Variants in NOL4L observed in about 807,000 individuals in gnomAD.
NOL4L encodes the protein nucleolar protein 4-like.
In NOL4L, 7 loss-of-function variants were observed where a neutral mutation model predicts 64.5. The ratio of observed to expected loss-of-function variants is 0.11; its 90% CI spans 0.06 to 0.20. The LOEUF is 0.20. Among genes scored for constraint, NOL4L ranks in the 10% least tolerant of loss-of-function variants. The probability of loss-of-function intolerance (pLI) is 1.00; values close to 1 mark genes in which losing one functional copy is unlikely to be tolerated. For missense variants in NOL4L, 680 were observed against 967.1 expected, an observed-to-expected ratio of 0.70 and a Z score of 3.94; for synonymous variants, 413 against 401.0, an observed-to-expected ratio of 1.03 and a Z score of -0.36.
chr20:32,447,429 A>AAAAATT lies in NOL4L; in HGVS notation c.*166_*167insAATTTT. On this transcript the variant is annotated 3_prime_UTR_variant, in exon 11 of 11. Transcript: ENST00000621426. ...AAAAAAAAAAAAAAAAAAAAAAAAAAGTGTCCTTGTGCCCAAAGTCTCAGG... is the reference window on the plus strand; with the variant it reads ...AAAAAAAAAAAAAAAAAAAAAAAAAAAAAATTGTGTCCTTGTGCCCAAAGTCTCAGG... 3 of 757,708 alleles carry AAAAATT rather than the reference A, an allele frequency of 4.0e-6. No homozygotes were observed. Among genetic ancestry groups the AAAAATT allele is most frequent in the Non-Finnish European group, 6.1e-6 (3 of 494,140 alleles). The allele number at this position is 757,708 out of a possible 1,614,324, so 46.9% of individuals were successfully genotyped here.
chr20:32,453,621 C>T lies in NOL4L; in HGVS notation c.1260G>A (p.Met420Ile). Reference sequence around the variant, plus strand: ...CAGGGTCCATGCCTTCAGAGTCGTTCATCTTGTCATTGTCCTCATGGTCAT... The same window carrying T: ...CAGGGTCCATGCCTTCAGAGTCGTTTATCTTGTCATTGTCCTCATGGTCAT... ...DHDDHEDNDK[M>I]NDSEGMDPER... Residue 420 changes from methionine to isoleucine, a missense_variant, in exon 7 of 11, where the codon ATG (methionine) becomes ATA (isoleucine). Physicochemically the swap from Met to Ile is conservative, Grantham distance 10. Around this residue, in one of 4 missense-constraint regions of NOL4L, gnomAD observed 70 missense variants for 166.1 expected, o/e 0.42. Transcript: ENST00000621426. This position sits in a 1 kb window ranked among gnomAD's most constrained non-coding sequence, Gnocchi z 5.6. 6.4e-7 allele frequency: 1 copy of T among 1,573,588 alleles called. No individual in the cohort carries two copies. The highest frequency in any genetic ancestry group is 8.6e-7 in the Non-Finnish European group (1 of 1,156,992).
chr20:32,456,502 G>C, intron 5 of NOL4L, 107 bp from the exon 6 acceptor site: 1 of 1,177,484 alleles, frequency 8.5e-7, no homozygotes, highest in Non-Finnish European at 1.1e-6. Flanking sequence ...CCCTGGGTTG[G>C]GGTGAGTGCT....
rs144511170 is a variant in NOL4L at position 32,446,667 on chromosome 20, G to C, written c.*929C>G. The C allele has an allele frequency of 5.6e-3, 858 of 153,942 alleles. 5 individuals are homozygous for C. Among genetic ancestry groups the C allele is most frequent in the Non-Finnish European group, 7.1e-3 (492 of 69,158 alleles). The allele number at this position is 153,942 out of a possible 1,614,324, so 9.5% of individuals were successfully genotyped here. On this transcript the variant is annotated 3_prime_UTR_variant, in exon 11 of 11. Coordinates refer to ENST00000621426, the MANE Select transcript of NOL4L (RefSeq NM_001256798.2). ...CTGGTTAGGGACAGGACGCTCTCTG[G>C]GTTCCAGCTCCTGGACACCCAGTCT...
chr20:32,453,884 T>A lies in NOL4L; in HGVS notation c.1120-123A>T. ...GCATGCCCTGCTGCCACGAGAGCCATAGCTGCGAGGCCCTGAGCAAGTCAC... is the reference window on the plus strand; with the variant it reads ...GCATGCCCTGCTGCCACGAGAGCCAAAGCTGCGAGGCCCTGAGCAAGTCAC... On this transcript the variant is annotated intron_variant, in intron 6 of 10. Transcript: ENST00000621426. This position sits in a 1 kb window ranked among gnomAD's most constrained non-coding sequence, Gnocchi z 5.6. 1 of 853,736 alleles carries A rather than the reference T, an allele frequency of 1.2e-6. No individual in the cohort carries two copies. The highest frequency in any genetic ancestry group is 1.8e-6 in the Non-Finnish European group (1 of 549,738). 52.9% of individuals were successfully genotyped at this position (853,736 alleles called of 1,614,324 possible). A position where few individuals can be genotyped will look rare whatever the true frequency, so the allele number is the denominator to read the frequency against.
At chr20:32,509,830 G>GGGCT (rs1191529331) in intron 4 of NOL4L, 14 of 1,303,926 alleles carry the variant, frequency 1.1e-5, no homozygotes, top group Non-Finnish European at 1.4e-5. Flanking sequence ...CAAAACCAGG[G>GGGCT]GGCTGTGCTT....
intron 4 of NOL4L, among the ~76,000 whole-genome samples, chr20:32,476,324 AAG>A (rs1293988963): frequency 6.6e-6 from 1 of 151,734 alleles, no homozygotes; most frequent in African/African-American, 2.4e-5. Flanking sequence ...GGGGAGGGGG[AAG>A]AGAGGCTGGC....
chr20:32,489,990 G>A (rs1276987950), intron 4 of NOL4L, among the ~76,000 whole-genome samples: 3 of 151,278 alleles, frequency 2.0e-5, no homozygotes, highest in Non-Finnish European at 4.4e-5. Flanking sequence ...TTAGCTGGGC[G>A]TGGTGGTGCG....
At chr20:32,509,410 C>T (rs567846555) in intron 4 of NOL4L, among the ~76,000 whole-genome samples, 6 of 145,776 alleles carry the variant, frequency 4.1e-5, no homozygotes, top group East Asian at 2.1e-4. Flanking sequence ...CCCAGCTACT[C>T]GGGAGGCTGA....
intron 1 of NOL4L, among the ~76,000 whole-genome samples, chr20:32,554,070 C>T (rs1411646960): frequency 6.6e-6 from 1 of 152,130 alleles, no homozygotes; most frequent in Non-Finnish European, 1.5e-5. Context: ...CCTGTAATCC[C>T]AGCACTTTGG....
intron 4 of NOL4L, among the ~76,000 whole-genome samples, chr20:32,484,324 C>T (rs1054641336): frequency 6.6e-6 from 1 of 152,054 alleles, no homozygotes; most frequent in African/African-American, 2.4e-5. Flanking sequence ...CGCCCCACCC[C>T]CACGGCAGGG....
chr20:32,531,761 C>T (rs544102630), intron 1 of NOL4L, among the ~76,000 whole-genome samples: 1 of 152,316 alleles, frequency 6.6e-6, no homozygotes, highest in Non-Finnish European at 1.5e-5. Context: ...CCAGCACATA[C>T]AGACTTGGTT....
At chr20:32,508,252 C>T (rs1568667950) in intron 4 of NOL4L, among the ~76,000 whole-genome samples, 1 of 152,192 alleles carries the variant, frequency 6.6e-6, no homozygotes, top group Non-Finnish European at 1.5e-5. Context: ...GGGAGTCATT[C>T]GCCCACCCTG....
intron 1 of NOL4L, among the ~76,000 whole-genome samples, chr20:32,555,079 C>T (rs895621514): frequency 7.2e-5 from 11 of 152,156 alleles, no homozygotes; most frequent in Non-Finnish European, 1.5e-4. Flanking sequence ...GCTGGCTTCC[C>T]CCAGCTACAT....
intron 3 of NOL4L, among the ~76,000 whole-genome samples, chr20:32,513,042 CT>C (rs1347030621): frequency 6.6e-6 from 1 of 152,182 alleles, no homozygotes; most frequent in Non-Finnish European, 1.5e-5. Context: ...CCTCCTCCTC[CT>C]TCTTCCAAGG....
intron 5 of NOL4L, among the ~76,000 whole-genome samples, chr20:32,458,001 G>A (rs1283945440): frequency 1.3e-5 from 2 of 152,196 alleles, no homozygotes; most frequent in Non-Finnish European, 2.9e-5. Flanking sequence ...GCCTTACTCA[G>A]CCTCGTGGGT....
intron 4 of NOL4L, among the ~76,000 whole-genome samples, chr20:32,494,283 C>A (rs6119867): frequency 0.73 from 48,431 of 66,754 alleles, 17,027 homozygotes; most frequent in Middle Eastern, 0.83. Context: ...AAAAAAAAAA[C>A]ACACAACACA....
At chr20:32,563,983 C>T (rs761338826) in intron 1 of NOL4L, among the ~76,000 whole-genome samples, 5 of 152,222 alleles carry the variant, frequency 3.3e-5, no homozygotes, top group East Asian at 1.9e-4. Context: ...CAGGAAAGGC[C>T]GAGCTTGCAG....
intron 4 of NOL4L, among the ~76,000 whole-genome samples, chr20:32,485,078 A>AAAAAAAAAAAAAAAAAAAAAAAAAAAC (rs1568643165): frequency 6.8e-6 from 1 of 147,716 alleles, no homozygotes; most frequent in East Asian, 2.0e-4. Flanking sequence ...AAAAAAAAAA[A>AAAAAAAAAAAAAAAAAAAAAAAAAAAC]AAAAAAAAAC....
intron 1 of NOL4L, among the ~76,000 whole-genome samples, chr20:32,582,816 G>T (rs1345608179): frequency 6.6e-6 from 1 of 152,210 alleles, no homozygotes; most frequent in African/African-American, 2.4e-5. Context: ...CCTCCGGCGG[G>T]GGGCAGTGAC....
Sources: allele counts gnomAD v4.1 joint callset (sites outside exome capture counted in the v4.1 genomes callset), GRCh38; gene constraint gnomAD v4.1.1; regional missense constraint gnomAD v4.1.1; non-coding constraint Gnocchi (gnomAD v3.1); transcripts MANE v1.5; gene names NCBI Gene and HGNC (gene_info 2026-07-23, HGNC 2026-07-21).